Variants in OTUD7A observed in about 807,000 individuals in gnomAD.
OTUD7A encodes OTU domain-containing protein 7A.
Under a neutral mutation model 65.7 loss-of-function variants are expected in OTUD7A, and 12 were observed. The ratio of observed to expected loss-of-function variants is 0.18; its 90% CI spans 0.12 to 0.30. The LOEUF (loss-of-function observed/expected upper bound fraction) is 0.30, where lower values mean the gene tolerates loss of function less well. OTUD7A is among the 10% of genes least tolerant of loss of function. The probability of loss-of-function intolerance (pLI) is 1.00; values close to 1 mark genes in which losing one functional copy is unlikely to be tolerated. For missense variants in OTUD7A, 1,148 were observed against 1,304.8 expected (o/e 0.88, Z 1.85); for synonymous variants, 641 against 586.3 (o/e 1.09, Z -1.35).
intron 1 of OTUD7A, among the ~76,000 whole-genome samples, chr15:31,741,734 T>TA (rs1257188276): frequency 4.0e-5 from 6 of 151,644 alleles, no homozygotes; most frequent in Admixed American, 3.9e-4. Context: ...AAATAAAAAA[T>TA]ACCAAAAATT....
intron 1 of OTUD7A, among the ~76,000 whole-genome samples, chr15:31,834,234 T>C (rs1483610392): frequency 2.0e-5 from 3 of 152,254 alleles, no homozygotes; most frequent in Non-Finnish European, 1.5e-5. Flanking sequence ...AGCAACAAGG[T>C]TGGAGTTCAC....
At chr15:31,613,889 C>A (rs932753528) in intron 3 of OTUD7A, among the ~76,000 whole-genome samples, 1 of 151,972 alleles carries the variant, frequency 6.6e-6, no homozygotes, top group Non-Finnish European at 1.5e-5. Context: ...TGGAACCAAC[C>A]CAAATGTCCA....
chr15:31,698,839 G>A (rs1319837515), intron 1 of OTUD7A, among the ~76,000 whole-genome samples: 3 of 147,880 alleles, frequency 2.0e-5, no homozygotes, highest in Non-Finnish European at 4.5e-5. Flanking sequence ...ATCAGTTCCC[G>A]CCTCCCTTCT....
At chr15:31,486,049 G>C (rs1052213863) in intron 12 of OTUD7A, among the ~76,000 whole-genome samples, 1 of 152,164 alleles carries the variant, frequency 6.6e-6, no homozygotes. Flanking sequence ...CACTGAGAGC[G>C]GGCTCAGGAG....
intron 3 of OTUD7A, among the ~76,000 whole-genome samples, chr15:31,610,617 A>ATATATATATTTTTTTTTTTTTTTTTT: frequency 3.3e-5 from 1 of 30,562 alleles, no homozygotes; most frequent in Admixed American, 6.7e-4. Flanking sequence ...ATATATATAT[A>ATATATATATTTTTTTTTTTTTTTTTT]TTTTTTTTTT....
chr15:31,794,030 A>T (rs540360607), intron 1 of OTUD7A, among the ~76,000 whole-genome samples: 1 of 152,362 alleles, frequency 6.6e-6, no homozygotes, highest in Non-Finnish European at 1.5e-5. Context: ...AAACCCTTCT[A>T]CATCTAAGCC....
intron 5 of OTUD7A, among the ~76,000 whole-genome samples, chr15:31,531,671 C>A (rs889609793): frequency 2.0e-5 from 3 of 152,052 alleles, no homozygotes; most frequent in Non-Finnish European, 4.4e-5. Flanking sequence ...ATAACCCGAC[C>A]ACCACCCCTG....
intron 1 of OTUD7A, among the ~76,000 whole-genome samples, chr15:31,802,965 A>G (rs1407879801): frequency 1.3e-5 from 2 of 152,198 alleles, no homozygotes; most frequent in African/African-American, 4.8e-5. Context: ...CCCAGTCAGG[A>G]GGTTCTCCCA....
chr15:31,487,375 G>A lies in OTUD7A; in HGVS notation c.1286+77C>T, dbSNP rs2041252643. ...AGCTGTCCCAGGAGGAGCAGGGGTG[G>A]TACATTCCCTCCCCAGGATGCCCCA... On this transcript the variant is annotated intron_variant, in intron 11 of 12. Transcript: ENST00000307050. This position sits in a 1 kb window ranked among gnomAD's most constrained non-coding sequence, Gnocchi z 6.0. 3.2e-6 allele frequency: 5 copies of A among 1,581,066 alleles called. No individual in the cohort carries two copies. The highest frequency in any genetic ancestry group is 4.3e-6 in the Non-Finnish European group (5 of 1,154,884).
chr15:31,574,791 T>C (rs2141177105), intron 3 of OTUD7A, among the ~76,000 whole-genome samples: 1 of 152,302 alleles, frequency 6.6e-6, no homozygotes, highest in East Asian at 1.9e-4. Context: ...CTGCCTTTCA[T>C]ATATAAACCC....
At chr15:31,625,394 A>T (rs1595666320) in intron 3 of OTUD7A, among the ~76,000 whole-genome samples, 1 of 151,840 alleles carries the variant, frequency 6.6e-6, no homozygotes, top group African/African-American at 2.4e-5. Context: ...TCAGACTTCG[A>T]CTAAACATTC....
intron 9 of OTUD7A, among the ~76,000 whole-genome samples, chr15:31,503,374 C>T (rs916435778): frequency 2.0e-5 from 3 of 152,130 alleles, no homozygotes; most frequent in Non-Finnish European, 2.9e-5. Flanking sequence ...AGGACATGGC[C>T]CAGGGCTGTT....
chr15:31,658,229 G>C (rs1028664843), intron 1 of OTUD7A, among the ~76,000 whole-genome samples: 1 of 152,134 alleles, frequency 6.6e-6, no homozygotes, highest in African/African-American at 2.4e-5. Flanking sequence ...CTGGCCCATA[G>C]TACATGCTCA....
intron 1 of OTUD7A, among the ~76,000 whole-genome samples, chr15:31,771,948 T>C (rs2140914328): frequency 6.6e-6 from 1 of 152,262 alleles, no homozygotes; most frequent in South Asian, 2.1e-4. Context: ...TTCCACAATG[T>C]TTAAAAAATA....
In OTUD7A at chr15:31,659,010, CATGAATGAATGAATGA is replaced by C. The variant is rs200527037; in HGVS notation, c.-99-1949_-99-1934del. ...TCGCGCCATTGCACTCCAGCCTGGGCATGAATGAATGAATGAATGAATGAATGAATGAATAAATAAA... is the reference window on the plus strand; with the variant it reads ...TCGCGCCATTGCACTCCAGCCTGGGCATGAATGAATGAATGAATAAATAAA... On this transcript the variant is annotated intron_variant, in intron 1 of 12. Coordinates refer to ENST00000307050, the MANE Select transcript of OTUD7A (RefSeq NM_001382637.1). Among the ~76,000 whole-genome samples, 19 of 141,464 alleles carry C rather than the reference CATGAATGAATGAATGA, an allele frequency of 1.3e-4. No homozygotes were observed. In the East Asian group the frequency reaches 3.2e-3, roughly 24 times the overall value. 92.8% of individuals were successfully genotyped at this position (141,464 alleles called of 152,430 possible).
intron 1 of OTUD7A, among the ~76,000 whole-genome samples, chr15:31,735,699 C>A (rs558205102): frequency 6.6e-6 from 1 of 152,134 alleles, no homozygotes. Context: ...ACCCAGCAAC[C>A]CCATTACTGG....
At chr15:31,827,840 T>G (rs897551133) in intron 1 of OTUD7A, among the ~76,000 whole-genome samples, 1 of 46,506 alleles carries the variant, frequency 2.2e-5, no homozygotes, top group Non-Finnish European at 5.6e-5. Context: ...GGCAGGAGAA[T>G]TGCTTGAACT....
intron 3 of OTUD7A, among the ~76,000 whole-genome samples, chr15:31,575,506 G>T (rs887173976): frequency 6.6e-6 from 1 of 152,174 alleles, no homozygotes; most frequent in Admixed American, 6.5e-5. Context: ...CTATAACATG[G>T]TAACAAACAG....
intron 5 of OTUD7A, among the ~76,000 whole-genome samples, chr15:31,548,189 TCCCGGGCCACCCCCATCATCTGTGGGCG>T (rs566172787): frequency 4.9e-5 from 7 of 142,638 alleles, no homozygotes; most frequent in Non-Finnish European, 9.5e-5. Context: ...TTTGTGGGCC[TCCCGGGCCACCCCCATCATCTGTGGGCG>T]CCCTGGGCCA....
Sources: allele counts gnomAD v4.1 joint callset (sites outside exome capture counted in the v4.1 genomes callset), GRCh38; gene constraint gnomAD v4.1.1; non-coding constraint Gnocchi (gnomAD v3.1); transcripts MANE v1.5; gene names NCBI Gene and HGNC (gene_info 2026-07-23, HGNC 2026-07-21).